The following DISC1 variants were observed in gnomAD, a reference collection of about 807,000 sequenced individuals.
The protein encoded by DISC1 is DISC1 scaffold protein.
In DISC1, 57 loss-of-function variants were observed where a neutral mutation model predicts 84.5. The ratio of observed to expected loss-of-function variants is 0.67; its 90% CI spans 0.55 to 0.84. The LOEUF is 0.84. DISC1 is among the 40% of genes least tolerant of loss of function. The probability of loss-of-function intolerance (pLI) is 0.00; values close to 1 mark genes in which losing one functional copy is unlikely to be tolerated. For synonymous variants in DISC1, 411 were observed against 415.2 expected (o/e 0.99, Z 0.12); for missense variants, 1,000 against 1,057.8 (o/e 0.95, Z 0.76).
intron 3 of DISC1, among the ~76,000 whole-genome samples, chr1:231,726,887 A>G (rs1316694191): frequency 6.6e-6 from 1 of 152,186 alleles, no homozygotes; most frequent in Non-Finnish European, 1.5e-5. Flanking sequence ...CCTATGATGG[A>G]CAAATAAGGG....
intron 11 of DISC1, among the ~76,000 whole-genome samples, chr1:232,023,422 TTATTACAAGGGCTTAA>T (rs571255624): frequency 1.8e-3 from 271 of 152,346 alleles, no homozygotes; most frequent in African/African-American, 6.1e-3. Flanking sequence ...TCTTCCATGC[TTATTACAAGGGCTTAA>T]TAAAAGTTAT....
intron 1 of DISC1, among the ~76,000 whole-genome samples, chr1:231,662,381 A>ACCTCTCC (rs2061632029): frequency 6.6e-6 from 1 of 151,864 alleles, no homozygotes; most frequent in Non-Finnish European, 1.5e-5. Flanking sequence ...GATGGCAGCC[A>ACCTCTCC]CCTCTCCCCC....
intron 6 of DISC1, among the ~76,000 whole-genome samples, chr1:231,773,879 G>A (rs767025320): frequency 2.0e-5 from 3 of 152,100 alleles, no homozygotes; most frequent in Admixed American, 6.5e-5. Flanking sequence ...AGGCTGCCAC[G>A]TTTTTGTGCT....
rs563127347 is a variant in DISC1, at chr1:231,933,460, C to T, written c.1982-25368C>T. Among the ~76,000 whole-genome samples the T allele has an allele frequency of 3.9e-5, 6 of 152,320 alleles. No homozygotes were observed. In the East Asian group the frequency reaches 9.6e-4, roughly 24 times the overall value. On this transcript the variant is annotated intron_variant, in intron 9 of 12. Transcript: ENST00000439617. The stretch of plus-strand genomic sequence containing the variant: ...TATCACCACCTCTAAGGCACCTTCT[C>T]ATCCTGTCGTTTTAAGGTTTTGTTC...
At chr1:231,989,631 C>G (rs1664922030) in intron 10 of DISC1, among the ~76,000 whole-genome samples, 1 of 152,106 alleles carries the variant, frequency 6.6e-6, no homozygotes, top group Non-Finnish European at 1.5e-5. Flanking sequence ...CAGACATTGC[C>G]TGAGATAAGA....
intron 3 of DISC1, among the ~76,000 whole-genome samples, chr1:231,713,815 T>C (rs957698486): frequency 2.8e-5 from 4 of 144,054 alleles, no homozygotes; most frequent in African/African-American, 5.1e-5. Context: ...ATAGGAGATA[T>C]ATATATAGGA....
chr1:231,721,013 T>C (rs748810568), intron 3 of DISC1: 27 of 1,290,796 alleles, frequency 2.1e-5, no homozygotes, highest in Non-Finnish European at 2.6e-5. Context: ...ATCATGAAAA[T>C]TGACAATGGA....
chr1:231,716,245 C>G (rs6667123), intron 3 of DISC1, among the ~76,000 whole-genome samples: 53,772 of 144,418 alleles, frequency 0.37, 9,705 homozygotes, highest in African/African-American at 0.43. Context: ...AAATAAGATG[C>G]AATGATTTGG....
intron 3 of DISC1, among the ~76,000 whole-genome samples, chr1:231,708,439 C>T (rs2067368791): frequency 6.6e-6 from 1 of 152,170 alleles, no homozygotes; most frequent in Non-Finnish European, 1.5e-5. Context: ...TTGGGATTTC[C>T]TCAATAGATG....
At chr1:232,032,261 C>T (rs1670118378) in intron 12 of DISC1, among the ~76,000 whole-genome samples, 1 of 152,164 alleles carries the variant, frequency 6.6e-6, no homozygotes, top group Admixed American at 6.5e-5. Context: ...CTAAATTTGA[C>T]TAAGCCATTG....
intron 12 of DISC1, among the ~76,000 whole-genome samples, 187 bp downstream of exon 12, chr1:232,026,739 A>G (rs1165942283): frequency 1.3e-5 from 2 of 149,294 alleles, no homozygotes; most frequent in Non-Finnish European, 3.0e-5. Context: ...TCAGTAAGCA[A>G]TTCAGTATTT....
intron 11 of DISC1, among the ~76,000 whole-genome samples, chr1:232,025,247 T>C (rs534128470): frequency 2.6e-5 from 4 of 152,248 alleles, no homozygotes; most frequent in Admixed American, 1.3e-4. Flanking sequence ...GAAGAATGCA[T>C]GGGCAAAAAG....
intron 9 of DISC1, among the ~76,000 whole-genome samples, chr1:231,933,250 A>T (rs2090778743): frequency 6.6e-6 from 1 of 152,202 alleles, no homozygotes; most frequent in Admixed American, 6.5e-5. Flanking sequence ...AAGTTAACCT[A>T]GGTTAGCCTG....
intron 10 of DISC1, among the ~76,000 whole-genome samples, chr1:231,971,859 CTTCT>C (rs1662004418): frequency 6.6e-6 from 1 of 152,124 alleles, no homozygotes; most frequent in South Asian, 2.1e-4. Flanking sequence ...TTCAGTTGTG[CTTCT>C]TTAAGAAAAA....
At chr1:231,868,375 C>T (rs541273886) in intron 9 of DISC1, among the ~76,000 whole-genome samples, 3 of 151,944 alleles carry the variant, frequency 2.0e-5, no homozygotes, top group East Asian at 1.9e-4. Context: ...AAGGGTTTGC[C>T]GGTGGTTTTG....
At chr1:231,889,779 C>T (rs1163198222) in intron 9 of DISC1, among the ~76,000 whole-genome samples, 1 of 151,532 alleles carries the variant, frequency 6.6e-6, no homozygotes, top group Non-Finnish European at 1.5e-5. Context: ...CCCTTATTCT[C>T]TCTCTCTCTC....
intron 1 of DISC1, among the ~76,000 whole-genome samples, chr1:231,661,813 G>A (rs893806321): frequency 1.2e-4 from 19 of 152,196 alleles, no homozygotes; most frequent in African/African-American, 4.6e-4. Flanking sequence ...GTCATTTGGA[G>A]GAGAAGAGCC....
intron 3 of DISC1, among the ~76,000 whole-genome samples, chr1:231,712,651 A>C (rs1447802467): frequency 6.6e-6 from 1 of 152,232 alleles, no homozygotes; most frequent in East Asian, 1.9e-4. Context: ...CCCTGATTAC[A>C]GAGGGACTAG....
At chr1:232,008,171 A>T (rs1013133118) in intron 10 of DISC1, among the ~76,000 whole-genome samples, 1 of 152,226 alleles carries the variant, frequency 6.6e-6, no homozygotes, top group African/African-American at 2.4e-5. Context: ...GAGTCTAGCA[A>T]TAGAGTGGAG....
Sources: gnomAD v4.1 joint callset for allele counts (sites outside exome capture counted in the v4.1 genomes callset) on GRCh38, gnomAD v4.1.1 for gene constraint, MANE v1.5 for transcripts, NCBI Gene and HGNC (gene_info 2026-07-23, HGNC 2026-07-21) for gene names.